The following KNTC1 variants were observed in gnomAD, a reference collection of about 807,000 sequenced individuals.
The protein encoded by KNTC1 is kinetochore-associated protein 1.
KNTC1 carries 253 observed loss-of-function variants against 314.4 expected under a neutral mutation model. That is an observed-to-expected ratio of 0.80 (90% CI 0.73 to 0.89). The LOEUF is 0.89. KNTC1 is among the 40% of genes least tolerant of loss of function. The pLI is 0.00. For synonymous variants in KNTC1, 901 were observed against 901.4 expected (o/e 1.00, Z 0.01); for missense variants, 2,475 against 2,572.9 (o/e 0.96, Z 0.82).
chr12:122,578,623 T>C (rs1965186686), intron 31 of KNTC1, among the ~76,000 whole-genome samples: 1 of 152,058 alleles, frequency 6.6e-6, no homozygotes, highest in Admixed American at 6.6e-5. Flanking sequence ...TTTCACCATG[T>C]TGGCCAGGCT....
intron 33 of KNTC1, 54 bp downstream of exon 33, chr12:122,580,724 T>TC (rs1206688856): frequency 7.9e-7 from 1 of 1,273,444 alleles, no homozygotes; most frequent in Non-Finnish European, 1.1e-6. Flanking sequence ...AGTGCATTTT[T>TC]CCCTCCTTAA....
rs369310376 is a variant in KNTC1 at position 122,590,697 on chromosome 12, C to T, written c.4090C>T (p.Leu1364Phe). 1.9e-6 allele frequency: 3 copies of T among 1,613,348 alleles called. No individual in the cohort carries two copies. Among genetic ancestry groups the T allele is most frequent in the African/African-American group, 1.3e-5 (1 of 74,888 alleles). ...QKDVFENLWK[L>F]IDKAWQNYDK... ...AGATGTGTTTGAAAATCTCTGGAAG[C>T]TCATAGATAAAGCATGGCAGAATTA... The change falls in exon 41 of 64, where the codon CTC (leucine) becomes TTC (phenylalanine). Residue 1364 changes from leucine (L) to phenylalanine (F), a missense_variant. Leu to Phe is a conservative substitution (Grantham distance 22, BLOSUM62 0). Coordinates refer to ENST00000333479, the MANE Select transcript of KNTC1 (RefSeq NM_014708.6).
At chr12:122,597,545 C>A (rs1173474804) in intron 43 of KNTC1, 186 bp from the exon 44 acceptor site, 4 of 583,406 alleles carry the variant, frequency 6.9e-6, no homozygotes, top group Admixed American at 5.3e-5. Context: ...CTGCACCCGG[C>A]CTAATATCTG....
intron 22 of KNTC1, among the ~76,000 whole-genome samples, chr12:122,570,383 G>C (rs1456483431): frequency 6.6e-6 from 1 of 151,852 alleles, no homozygotes; most frequent in Non-Finnish European, 1.5e-5. Flanking sequence ...GCCGGGCATG[G>C]TGGCATGCCT....
intron 4 of KNTC1, among the ~76,000 whole-genome samples, chr12:122,539,337 T>TA (rs1233666939): frequency 6.6e-6 from 1 of 152,112 alleles, no homozygotes; most frequent in South Asian, 2.1e-4. Context: ...TATTTTAAAT[T>TA]AAAAAAATGT....
chr12:122,587,695 C>T lies in KNTC1; in HGVS notation c.3731-16C>T, dbSNP rs1210993513. The T allele has an allele frequency of 1.9e-6, 3 of 1,587,380 alleles. No individual in the cohort carries two copies. The highest frequency in any genetic ancestry group is 2.6e-6 in the Non-Finnish European group (3 of 1,168,410). ...TTTAAAAAATCTAAATATTAAAATC[C>T]TTTATCACTCTGCAGGAGATGGCCT... On this transcript the variant is annotated splice_polypyrimidine_tract_variant and intron_variant, in intron 38 of 63. Transcript: ENST00000333479.
chr12:122,534,619 CAT>C (rs2137661176), intron 2 of KNTC1, 43 bp from the exon 3 acceptor site: 5 of 1,538,340 alleles, frequency 3.3e-6, no homozygotes, highest in Non-Finnish European at 4.4e-6. Flanking sequence ...TTATTAAACA[CAT>C]ATAAAAATGT....
At chr12:122,529,053 A>T (rs962729816) in intron 1 of KNTC1, among the ~76,000 whole-genome samples, 3 of 152,284 alleles carry the variant, frequency 2.0e-5, no homozygotes, top group African/African-American at 7.2e-5. Flanking sequence ...CATGTTGGCC[A>T]GGCTGGTCTC....
chr12:122,584,581 G>T, intron 35 of KNTC1, 131 bp downstream of exon 35: 2 of 624,052 alleles, frequency 3.2e-6, no homozygotes, highest in Admixed American at 3.4e-5. Flanking sequence ...TTCACAAAGG[G>T]ATGCTTATAA....
chr12:122,582,343 A>G (rs530581627), intron 33 of KNTC1, among the ~76,000 whole-genome samples: 4 of 152,238 alleles, frequency 2.6e-5, no homozygotes, highest in Non-Finnish European at 4.4e-5. Flanking sequence ...GTGTGAGACT[A>G]GAAGGTGGAG....
In KNTC1 at chr12:122,584,321, C is replaced by T. The variant is rs1160116489; in HGVS notation, c.3307C>T (p.Leu1103=). The change falls in exon 35 of 64, where the codon CTA becomes TTA. Residue 1103 remains leucine (L), a synonymous_variant. Coordinates refer to ENST00000333479, the MANE Select transcript of KNTC1 (RefSeq NM_014708.6). The stretch of plus-strand genomic sequence containing the variant: ...CTGCAATGCTGACACTGGGAAATTG[C>T]TATTTCTGACATGTCAGAAGCTTTG... ...YHCNADTGKL[L]FLTCQKLCQM... The T allele has an allele frequency of 4.3e-6, 7 of 1,613,336 alleles. No homozygotes were observed. In the Admixed American group the frequency reaches 8.3e-5, roughly 19 times the overall value.
At chr12:122,575,209 T>C (rs1269280397) in intron 27 of KNTC1, among the ~76,000 whole-genome samples, 1 of 151,942 alleles carries the variant, frequency 6.6e-6, no homozygotes, top group Non-Finnish European at 1.5e-5. Context: ...TGCAGTGAGC[T>C]GAGATCGCGC....
intron 43 of KNTC1, among the ~76,000 whole-genome samples, chr12:122,595,423 A>G (rs1870904058): frequency 6.6e-6 from 1 of 152,254 alleles, no homozygotes; most frequent in Non-Finnish European, 1.5e-5. Flanking sequence ...TCAAATTATT[A>G]ATGACTGCTT....
At position 122,596,079 on chromosome 12, in the gene KNTC1, C is replaced by CCT. The variant is rs1306659893; in HGVS notation, c.4356-1652_4356-1651insCT. On this transcript the variant is annotated intron_variant, in intron 43 of 63. Coordinates refer to ENST00000333479, the MANE Select transcript of KNTC1 (RefSeq NM_014708.6). ...TCATTTTGTCTATAGTAACCAGATTCTTTTTTTTTTTTTTTTTTTTTGAGA... is the reference window on the plus strand; with the variant it reads ...TCATTTTGTCTATAGTAACCAGATTCCTTTTTTTTTTTTTTTTTTTTTTGAGA... Among the ~76,000 whole-genome samples, 4 of 111,422 alleles carry CCT rather than the reference C, an allele frequency of 3.6e-5. No individual in the cohort carries two copies. In the East Asian group the frequency reaches 1.1e-3, roughly 29 times the overall value. 73.1% of individuals were successfully genotyped at this position (111,422 alleles called of 152,430 possible). A position where few individuals can be genotyped will look rare whatever the true frequency, so the allele number is the denominator to read the frequency against.
chr12:122,543,624 C>A lies in KNTC1; in HGVS notation c.548C>A (p.Thr183Lys), dbSNP rs968385497. 6.4e-7 allele frequency: 1 copy of A among 1,556,320 alleles called. No homozygotes were observed. Among genetic ancestry groups the A allele is most frequent in the Non-Finnish European group, 8.7e-7 (1 of 1,148,076 alleles). Residue 183 changes from threonine (T) to lysine (K), a missense_variant, in exon 7 of 64, where the codon ACA (threonine) becomes AAA (lysine). By Grantham distance (78) the Thr-to-Lys change is moderately conservative. Transcript: ENST00000333479. ...GCAATTGAGAATGTAGACTTCAGTA[C>A]AGCAAAAAAGGTAAGAAAATAAATC... Reference protein sequence around the residue: ...QQAIENVDFSTAKKLQGQIKS... With the variant: ...QQAIENVDFSKAKKLQGQIKS...
Position 122,582,661 on chromosome 12 carries a change from G to T in KNTC1, c.2983-44G>T, listed in dbSNP as rs1216894316. Reference sequence around the variant, plus strand: ...ATGAAAATGATTATTTTAAACAATAGATTAAACAGACTTGGGACTTTGTCT... The same window carrying T: ...ATGAAAATGATTATTTTAAACAATATATTAAACAGACTTGGGACTTTGTCT... On this transcript the variant is annotated intron_variant, in intron 33 of 63. Coordinates refer to ENST00000333479, the MANE Select transcript of KNTC1 (RefSeq NM_014708.6). 4 of 1,491,502 alleles carry T rather than the reference G, an allele frequency of 2.7e-6. No individual in the cohort carries two copies. The East Asian group carries it at 6.8e-5, about 25-fold the overall frequency. 92.4% of individuals were successfully genotyped at this position (1,491,502 alleles called of 1,614,324 possible).
At chr12:122,535,219 A>C (rs1336061860) in intron 3 of KNTC1, among the ~76,000 whole-genome samples, 1 of 152,172 alleles carries the variant, frequency 6.6e-6, no homozygotes. Context: ...GTACATGCAA[A>C]TGTGGATTTG....
At chr12:122,596,929 A>C (rs1871131658) in intron 43 of KNTC1, among the ~76,000 whole-genome samples, 1 of 151,884 alleles carries the variant, frequency 6.6e-6, no homozygotes, top group Admixed American at 6.6e-5. Context: ...TCTGATCTTT[A>C]TTCTTTTCTT....
In KNTC1 at chr12:122,582,819, G is replaced by A. The variant is rs1469058050; in HGVS notation, c.3097G>A (p.Gly1033Arg). 3 of 1,612,076 alleles carry A rather than the reference G, an allele frequency of 1.9e-6. No individual in the cohort carries two copies. Among genetic ancestry groups the A allele is most frequent in the Non-Finnish European group, 2.5e-6 (3 of 1,179,138 alleles). Residue 1033 changes from glycine (G) to arginine (R), a missense_variant, in exon 34 of 64, where the codon GGG becomes AGG. Transcript: ENST00000333479. ...AGTTGCACAGGCGAAACACAAACCT[G>A]GGAGCACCCCAGAGCCCATAGCTGC... is the stretch of plus-strand genomic sequence containing the variant. ...HEVAQAKHKP[G>R]STPEPIAAEV...
Sources: gnomAD v4.1 joint callset for allele counts (sites outside exome capture counted in the v4.1 genomes callset) on GRCh38, gnomAD v4.1.1 for gene constraint, MANE v1.5 for transcripts, NCBI Gene and HGNC (gene_info 2026-07-23, HGNC 2026-07-21) for gene names.